Variants in AP3S1 observed in about 807,000 individuals in gnomAD.
The protein encoded by AP3S1 is AP-3 complex subunit sigma-1.
In AP3S1, 12 loss-of-function variants were observed where a neutral mutation model predicts 21.3. The observed-to-expected ratio is 0.56, with a 90% CI of 0.36 to 0.91. The LOEUF is 0.91. AP3S1 is among the 40% of genes least tolerant of loss of function. AP3S1 has a pLI of 0.01. For synonymous variants in AP3S1, 48 were observed against 78.4 expected, an observed-to-expected ratio of 0.61 and a Z score of 2.05; for missense variants, 116 against 225.0, an observed-to-expected ratio of 0.52 and a Z score of 3.10.
chr5:115,865,464 C>G (rs1033613605), intron 1 of AP3S1, among the ~76,000 whole-genome samples: 8 of 152,030 alleles, frequency 5.3e-5, no homozygotes, highest in Non-Finnish European at 1.2e-4. Context: ...TTTTGATCTT[C>G]AAAAACTGGT....
intron 4 of AP3S1, among the ~76,000 whole-genome samples, chr5:115,901,784 C>G (rs1438978843): frequency 1.3e-5 from 2 of 152,096 alleles, no homozygotes; most frequent in Non-Finnish European, 2.9e-5. Context: ...CCACCTTGTC[C>G]TCCCAAAGTG....
intron 5 of AP3S1, among the ~76,000 whole-genome samples, chr5:115,907,832 T>C (rs925502748): frequency 6.6e-6 from 1 of 152,176 alleles, no homozygotes; most frequent in Non-Finnish European, 1.5e-5. Flanking sequence ...AAAAGTTCCA[T>C]GTACGTGGTG....
At chr5:115,896,692 T>C (rs1276350646) in intron 4 of AP3S1, among the ~76,000 whole-genome samples, 1 of 152,172 alleles carries the variant, frequency 6.6e-6, no homozygotes, top group African/African-American at 2.4e-5. Flanking sequence ...GGAAAGAGGA[T>C]CACCTGTGCC....
At position 115,865,410 on chromosome 5, in the gene AP3S1, T is replaced by C. The variant is rs145470650; in HGVS notation, c.70-1260T>C. ...GGATCAGCATCCCTAACTGCCACAT[T>C]GTTCAAGGGTCAACTGTCTATGTAA... On this transcript the variant is annotated intron_variant, in intron 1 of 5. Coordinates refer to ENST00000316788, the MANE Select transcript of AP3S1 (RefSeq NM_001284.4). Among the ~76,000 whole-genome samples the C allele has an allele frequency of 5.1e-3, 772 of 152,290 alleles. 2 individuals are homozygous for C. The highest frequency in any genetic ancestry group is 7.3e-3 in the South Asian group (35 of 4,822).
intron 3 of AP3S1, among the ~76,000 whole-genome samples, chr5:115,876,434 T>C (rs1748717681): frequency 6.6e-6 from 1 of 152,188 alleles, no homozygotes; most frequent in African/African-American, 2.4e-5. Context: ...TGATTTAAGG[T>C]AAATTCATCA....
chr5:115,853,266 A>C (rs1762573589), intron 1 of AP3S1, among the ~76,000 whole-genome samples: 2 of 152,112 alleles, frequency 1.3e-5, no homozygotes, highest in South Asian at 4.1e-4. Context: ...ATCCATTTAC[A>C]TACCTTTTTG....
chr5:115,902,374 T>A (rs992786588), intron 4 of AP3S1, among the ~76,000 whole-genome samples: 10 of 152,186 alleles, frequency 6.6e-5, no homozygotes, highest in African/African-American at 2.4e-4. Context: ...GTAAAAACAC[T>A]ATTAAAGTAC....
intron 1 of AP3S1, among the ~76,000 whole-genome samples, chr5:115,861,865 CTTTT>C (rs113923492): frequency 9.0e-6 from 1 of 110,618 alleles, no homozygotes; most frequent in Admixed American, 1.1e-4. Flanking sequence ...CTTTTCTTTT[CTTTT>C]TTTTTTTTTT....
At chr5:115,902,252 T>C (rs1485036080) in intron 4 of AP3S1, among the ~76,000 whole-genome samples, 1 of 152,186 alleles carries the variant, frequency 6.6e-6, no homozygotes, top group African/African-American at 2.4e-5. Flanking sequence ...TAATACCTTA[T>C]GAAAAGACAG....
At chr5:115,842,406 C>G (rs1003998109) in intron 1 of AP3S1, 22 of 285,922 alleles carry the variant, frequency 7.7e-5, no homozygotes, top group Non-Finnish European at 1.4e-4. Context: ...CGGCCCTCGC[C>G]GATCGGGCAG....
intron 1 of AP3S1, among the ~76,000 whole-genome samples, chr5:115,848,724 G>T (rs886195499): frequency 1.3e-4 from 20 of 152,202 alleles, no homozygotes; most frequent in Non-Finnish European, 1.5e-5. Flanking sequence ...TTACCATCTA[G>T]AGGGCCCAGT....
chr5:115,852,219 A>G (rs2112784220), intron 1 of AP3S1, among the ~76,000 whole-genome samples: 1 of 152,116 alleles, frequency 6.6e-6, no homozygotes, highest in East Asian at 1.9e-4. Flanking sequence ...CCAGTGTTTA[A>G]ATTATATGGG....
At chr5:115,861,549 GTTA>G (rs908275660) in intron 1 of AP3S1, among the ~76,000 whole-genome samples, 2 of 152,024 alleles carry the variant, frequency 1.3e-5, no homozygotes, top group African/African-American at 4.8e-5. Context: ...ATTTTAAAAA[GTTA>G]TTATTAAAAA....
chr5:115,865,881 C>T (rs1340966267), intron 1 of AP3S1, among the ~76,000 whole-genome samples: 1 of 152,200 alleles, frequency 6.6e-6, no homozygotes, highest in East Asian at 1.9e-4. Flanking sequence ...TCACTGTAAT[C>T]TCTGCCTCCT....
intron 5 of AP3S1, among the ~76,000 whole-genome samples, chr5:115,908,338 A>G (rs1365445649): frequency 6.6e-6 from 1 of 152,108 alleles, no homozygotes; most frequent in East Asian, 1.9e-4. Context: ...TATTGCTAGA[A>G]CTGTTAATTG....
intron 3 of AP3S1, among the ~76,000 whole-genome samples, chr5:115,876,466 G>A (rs919678555): frequency 3.3e-5 from 5 of 152,050 alleles, no homozygotes; most frequent in Admixed American, 2.0e-4. Flanking sequence ...AGAATGGTTG[G>A]TTTTCAGGAA....
intron 5 of AP3S1, among the ~76,000 whole-genome samples, chr5:115,905,396 C>T (rs966276146): frequency 6.6e-6 from 1 of 152,122 alleles, no homozygotes; most frequent in Non-Finnish European, 1.5e-5. Flanking sequence ...ATTATTCATT[C>T]CCTGATCATC....
intron 4 of AP3S1, among the ~76,000 whole-genome samples, chr5:115,901,758 A>G (rs1411670731): frequency 6.6e-6 from 1 of 152,044 alleles, no homozygotes; most frequent in Non-Finnish European, 1.5e-5. Flanking sequence ...GTTTTGCCAT[A>G]TTGCCAGTGA....
intron 5 of AP3S1, chr5:115,904,007 C>T (rs1051470532): frequency 6.6e-6 from 1 of 151,762 alleles, no homozygotes; most frequent in African/African-American, 2.4e-5. Flanking sequence ...ACTTGAACCC[C>T]GGAGGTGGAG....
Sources: allele counts gnomAD v4.1 joint callset (sites outside exome capture counted in the v4.1 genomes callset), GRCh38; gene constraint gnomAD v4.1.1; transcripts MANE v1.5; gene names NCBI Gene and HGNC (gene_info 2026-07-23, HGNC 2026-07-21).